SETD7: variants seen among roughly 807,000 people sequenced by gnomAD.
The protein encoded by SETD7 is histone-lysine N-methyltransferase SETD7.
A neutral mutation model predicts 41.8 loss-of-function variants in SETD7; 16 were observed. That is an observed-to-expected ratio of 0.38 (90% confidence interval 0.26 to 0.58). The LOEUF (loss-of-function observed/expected upper bound fraction) is 0.58, where lower values mean the gene tolerates loss of function less well. SETD7 is among the 20% of genes least tolerant of loss of function. SETD7 has a pLI of 0.64. For synonymous variants in SETD7, 163 were observed against 169.7 expected (o/e 0.96, Z 0.31); for missense variants, 346 against 459.7 (o/e 0.75, Z 2.26).
rs1203620487 is a variant in SETD7, at chr4:139,510,621, A to G, written c.*1042T>C. Reference sequence around the variant, plus strand: ...TAATCAGTGTGTCTGCCTTAGTAGTACTGACTAAAAAAATTTTTTTTTGAA... The same window carrying G: ...TAATCAGTGTGTCTGCCTTAGTAGTGCTGACTAAAAAAATTTTTTTTTGAA... On this transcript the variant is annotated 3_prime_UTR_variant, in exon 8 of 8. Transcript: ENST00000274031. 6.6e-6 allele frequency: 1 copy of G among 152,184 alleles called. No individual in the cohort carries two copies. Among genetic ancestry groups the G allele is most frequent in the Non-Finnish European group, 1.5e-5 (1 of 68,032 alleles). The allele number at this position is 152,184 out of a possible 1,614,324, so 9.4% of individuals were successfully genotyped here.
intron 2 of SETD7, among the ~76,000 whole-genome samples, chr4:139,537,436 G>C (rs1727669368): frequency 6.6e-6 from 1 of 152,148 alleles, no homozygotes; most frequent in African/African-American, 2.4e-5. Context: ...GCTGGTCACT[G>C]TGTTAAACAG....
In SETD7 at chr4:139,496,401, A is replaced by T. The variant is rs924880675; in HGVS notation, c.1041T>A (p.Tyr347Ter). The T allele has an allele frequency of 1.4e-6, 1 of 702,522 alleles. No individual in the cohort carries two copies. The highest frequency in any genetic ancestry group is 1.5e-5 in the South Asian group (1 of 67,602). 43.5% of individuals were successfully genotyped at this position (702,522 alleles called of 1,614,324 possible). A position where few individuals can be genotyped will look rare whatever the true frequency, so the allele number is the denominator to read the frequency against. ...TGAGCATCAGTCCTTGGGCTGCACT[A>T]TAAAGAGGAATGCCAGCTTTTCTGT... is the stretch of plus-strand genomic sequence containing the variant. The change falls in exon 8 of 8, where the codon TAT becomes TAA. Residue 347 changes from tyrosine to a stop codon, truncating the protein, a stop_gained. Transcript: ENST00000506866. LOFTEE classifies it low-confidence loss of function (END_TRUNC).
rs1325095748 is a variant in SETD7, at chr4:139,547,182, G to C, written c.41-133C>G. The stretch of plus-strand genomic sequence containing the variant: ...CAGCTGCCAAAGGGTCCCCTCCCTG[G>C]AAAGAAAGGGTAGTCAGCGTGCAAA... On this transcript the variant is annotated intron_variant, in intron 1 of 7. Transcript: ENST00000274031. 3.0e-5 allele frequency: 33 copies of C among 1,111,136 alleles called. 1 individual carries two copies. The South Asian group carries it at 3.8e-4, about 13-fold the overall frequency. 68.8% of individuals were successfully genotyped at this position (1,111,136 alleles called of 1,614,324 possible).
intron 4 of SETD7, among the ~76,000 whole-genome samples, chr4:139,526,274 AT>A (rs35426583): frequency 0.024 from 3,396 of 141,044 alleles, 45 homozygotes; most frequent in Middle Eastern, 0.032. Flanking sequence ...ACTCTCAACA[AT>A]TTTTTTTTTT....
At chr4:139,528,923 G>A (rs72726570) in intron 4 of SETD7, 108 bp downstream of exon 4, 21,181 of 982,146 alleles carry the variant, frequency 0.022, 371 homozygotes, top group Non-Finnish European at 0.023. Context: ...TAATAAACAC[G>A]ATTAAAGAGA....
At chr4:139,521,059 T>C (rs2111135002) in intron 5 of SETD7, among the ~76,000 whole-genome samples, 1 of 152,338 alleles carries the variant, frequency 6.6e-6, no homozygotes, top group Middle Eastern at 3.4e-3. Flanking sequence ...CAACAGATAT[T>C]ATATGGCTTG....
chr4:139,493,173 A>T (rs533116900), downstream of SETD7, among the ~76,000 whole-genome samples: 2 of 152,350 alleles, frequency 1.3e-5, no homozygotes, highest in Non-Finnish European at 2.9e-5. Context: ...ATAACAATGA[A>T]ACAATTTGGG....
rs1386957518 is a variant in SETD7, at chr4:139,532,926, G to A, written c.372+239C>T. 47 of 572,266 alleles carry A rather than the reference G, an allele frequency of 8.2e-5. No homozygotes were observed. The South Asian group carries it at 1.0e-3, about 12-fold the overall frequency. The allele number at this position is 572,266 out of a possible 1,614,324, so 35.4% of individuals were successfully genotyped here. ...ATTTGTCTCAATTTGTTTTAATCATGATTAATTACTCCTTTCCAAAACAAC... is the reference window on the plus strand; with the variant it reads ...ATTTGTCTCAATTTGTTTTAATCATAATTAATTACTCCTTTCCAAAACAAC... On this transcript the variant is annotated intron_variant, in intron 3 of 7. Transcript: ENST00000274031.
At chr4:139,495,685 C>G (rs1268634991), downstream of SETD7, among the ~76,000 whole-genome samples, 2 of 152,190 alleles carry the variant, frequency 1.3e-5, no homozygotes, top group Non-Finnish European at 2.9e-5. Context: ...CCCATCAGAT[C>G]CCTCCCACCA....
At chr4:139,542,339 G>A (rs142938516) in intron 2 of SETD7, among the ~76,000 whole-genome samples, 4 of 152,244 alleles carry the variant, frequency 2.6e-5, no homozygotes, top group Admixed American at 6.5e-5. Context: ...ACATAACAGG[G>A]TGACTACAGT....
intron 1 of SETD7, among the ~76,000 whole-genome samples, chr4:139,554,388 G>A (rs1180680616): frequency 6.6e-6 from 1 of 152,148 alleles, no homozygotes; most frequent in African/African-American, 2.4e-5. Context: ...GAATGGATGT[G>A]GTTTAACATG....
intron 3 of SETD7, chr4:139,532,854 A>T (rs1727525801): frequency 4.6e-6 from 2 of 438,492 alleles, no homozygotes; most frequent in Non-Finnish European, 4.1e-6. Flanking sequence ...GTGCCAAAAG[A>T]ATTAAAAGCA....
At chr4:139,500,333 C>T (rs919896642) in intron 7 of SETD7, among the ~76,000 whole-genome samples, 2 of 152,172 alleles carry the variant, frequency 1.3e-5, no homozygotes, top group Non-Finnish European at 2.9e-5. Context: ...GTCCCTACTC[C>T]CACTCCAGCC....
At chr4:139,538,368 C>T (rs1226818155) in intron 2 of SETD7, among the ~76,000 whole-genome samples, 3 of 152,098 alleles carry the variant, frequency 2.0e-5, no homozygotes, top group Non-Finnish European at 4.4e-5. Flanking sequence ...GTCTTGCTGT[C>T]GCCTAGGCTG....
At chr4:139,512,249 A>G (rs766496852) in intron 7 of SETD7, among the ~76,000 whole-genome samples, 1 of 152,236 alleles carries the variant, frequency 6.6e-6, no homozygotes, top group Non-Finnish European at 1.5e-5. Context: ...GGCCAGCAGC[A>G]TCAGATTACG....
At position 139,509,532 on chromosome 4, in the gene SETD7, G is replaced by A. The variant is rs1295055154; in HGVS notation, c.*2131C>T. On this transcript the variant is annotated 3_prime_UTR_variant, in exon 8 of 8. Coordinates refer to ENST00000274031, the MANE Select transcript of SETD7 (RefSeq NM_030648.4). ...CCAGAATGCTATCACTCTCAGGAAT[G>A]AAATCATTCAGAGCATAGCTGCATC... The A allele has an allele frequency of 5.3e-6, 1 of 189,586 alleles. No homozygotes were observed. The highest frequency in any genetic ancestry group is 9.8e-6 in the Non-Finnish European group (1 of 102,326). 11.7% of individuals were successfully genotyped at this position (189,586 alleles called of 1,614,324 possible).
intron 7 of SETD7, among the ~76,000 whole-genome samples, chr4:139,500,720 G>T (rs1042174135): frequency 6.6e-6 from 1 of 152,202 alleles, no homozygotes; most frequent in African/African-American, 2.4e-5. Flanking sequence ...TGTTGGCAAG[G>T]CTGGTCTCAA....
At chr4:139,542,104 A>G (rs962534504) in intron 2 of SETD7, among the ~76,000 whole-genome samples, 3 of 152,216 alleles carry the variant, frequency 2.0e-5, no homozygotes, top group Non-Finnish European at 4.4e-5. Context: ...GAATGATCCT[A>G]GAGGACATCA....
intron 2 of SETD7, among the ~76,000 whole-genome samples, chr4:139,545,558 G>A (rs1727917492): frequency 6.6e-6 from 1 of 152,106 alleles, no homozygotes; most frequent in African/African-American, 2.4e-5. Context: ...GTGGGGTTGG[G>A]GGCAACGGGG....
Sources: allele counts gnomAD v4.1 joint callset (sites outside exome capture counted in the v4.1 genomes callset), GRCh38; gene constraint gnomAD v4.1.1; transcripts MANE v1.5; gene names NCBI Gene and HGNC (gene_info 2026-07-23, HGNC 2026-07-21).